Variants in DGKG observed in about 807,000 individuals in gnomAD.
The protein encoded by DGKG is diacylglycerol kinase gamma.
In DGKG, 78 loss-of-function variants were observed where a neutral mutation model predicts 105.3. The observed-to-expected ratio is 0.74, with a 90% confidence interval of 0.62 to 0.89. DGKG has a LOEUF of 0.89. Among genes scored for constraint, DGKG ranks in the 40% least tolerant of loss-of-function variants. DGKG has a pLI of 0.00. For missense variants in DGKG, 958 were observed against 1,020.1 expected (o/e 0.94, Z 0.83); for synonymous variants, 346 against 367.1 (o/e 0.94, Z 0.66).
intron 5 of DGKG, among the ~76,000 whole-genome samples, chr3:186,293,775 A>C (rs537263883): frequency 6.6e-6 from 1 of 152,190 alleles, no homozygotes; most frequent in Admixed American, 6.5e-5. Flanking sequence ...TGGTCTTTTC[A>C]GCAGATGGCC....
At chr3:186,177,820 A>G (rs1717157413) in intron 22 of DGKG, among the ~76,000 whole-genome samples, 1 of 152,222 alleles carries the variant, frequency 6.6e-6, no homozygotes, top group Admixed American at 6.5e-5. Context: ...ATAAGTAGGT[A>G]TTCAATAAAT....
chr3:186,263,159 CAAAA>C (rs935493590), intron 14 of DGKG, among the ~76,000 whole-genome samples: 6 of 148,086 alleles, frequency 4.1e-5, no homozygotes, highest in South Asian at 2.1e-4. Context: ...AACAAACAAA[CAAAA>C]AACACCACCA....
At chr3:186,288,599 A>G in intron 6 of DGKG, 111 bp downstream of exon 6, 1 of 1,145,760 alleles carries the variant, frequency 8.7e-7, no homozygotes, top group South Asian at 1.5e-5. Context: ...AAGAGGCGGG[A>G]CGCATATCCG....
chr3:186,223,455 C>A (rs1485870618), intron 20 of DGKG, among the ~76,000 whole-genome samples: 1 of 152,070 alleles, frequency 6.6e-6, no homozygotes, highest in African/African-American at 2.4e-5. Context: ...GGCATCTTGT[C>A]TAGAATTAAG....
chr3:186,194,085 G>A (rs1161929542), intron 21 of DGKG, among the ~76,000 whole-genome samples: 1 of 152,238 alleles, frequency 6.6e-6, no homozygotes, highest in East Asian at 1.9e-4. Context: ...GAGGCCAGAG[G>A]CTGCCGGCCA....
At chr3:186,254,792 G>C (rs930242421) in intron 17 of DGKG, among the ~76,000 whole-genome samples, 9 of 152,118 alleles carry the variant, frequency 5.9e-5, no homozygotes, top group Non-Finnish European at 1.2e-4. Context: ...TCACCAAGAA[G>C]GGAAGTCCAT....
At chr3:186,336,991 A>G (rs1053787781) in intron 1 of DGKG, among the ~76,000 whole-genome samples, 3 of 152,200 alleles carry the variant, frequency 2.0e-5, no homozygotes, top group Non-Finnish European at 4.4e-5. Context: ...CTGAACCAAT[A>G]TTAAAAGGTC....
At chr3:186,222,481 G>A (rs1276253821) in intron 20 of DGKG, among the ~76,000 whole-genome samples, 1 of 152,218 alleles carries the variant, frequency 6.6e-6, no homozygotes, top group Non-Finnish European at 1.5e-5. Flanking sequence ...CTGTCTCTTA[G>A]TTTCTCTATT....
In DGKG at chr3:186,268,797, C is replaced by G; in HGVS notation, c.1116+4G>C. The G allele has an allele frequency of 6.2e-7, 1 of 1,607,008 alleles. No homozygotes were observed. The highest frequency in any genetic ancestry group is 8.5e-7 in the Non-Finnish European group (1 of 1,174,460). On this transcript the variant is annotated splice_donor_region_variant and intron_variant, in intron 12 of 24. Coordinates refer to ENST00000265022, the MANE Select transcript of DGKG (RefSeq NM_001346.3). Reference sequence around the variant, plus strand: ...AAGCAGGGCCGCCCTGGGCGCCAACCCACCGTCATCCGGCACCACACGCAG... The same window carrying G: ...AAGCAGGGCCGCCCTGGGCGCCAACGCACCGTCATCCGGCACCACACGCAG...
chr3:186,262,054 G>A (rs1184910542), intron 14 of DGKG: 3 of 343,224 alleles, frequency 8.7e-6, no homozygotes, highest in South Asian at 5.8e-5. Flanking sequence ...CGATGACGTG[G>A]TCTTGTACCT....
At chr3:186,166,877 G>T (rs1048063688) in intron 22 of DGKG, among the ~76,000 whole-genome samples, 1 of 152,146 alleles carries the variant, frequency 6.6e-6, no homozygotes, top group African/African-American at 2.4e-5. Context: ...ATGGTGCTGT[G>T]ATAGTCCAAT....
At chr3:186,173,819 G>C (rs1007230331) in intron 22 of DGKG, among the ~76,000 whole-genome samples, 1 of 152,264 alleles carries the variant, frequency 6.6e-6, no homozygotes, top group South Asian at 2.1e-4. Context: ...GGGGACTGGG[G>C]TTCCCCAGGA....
intron 21 of DGKG, among the ~76,000 whole-genome samples, chr3:186,208,441 AG>A (rs1312661422): frequency 7.6e-4 from 1 of 1,320 alleles, no homozygotes; most frequent in East Asian, 0.031. Context: ...AAAAAAAAGA[AG>A]AAAAAAAAAA....
intron 6 of DGKG, among the ~76,000 whole-genome samples, chr3:186,285,536 G>C (rs758354964): frequency 1.2e-4 from 18 of 152,170 alleles, no homozygotes; most frequent in Admixed American, 3.3e-4. Context: ...TCTGGACAAG[G>C]GACTACATGT....
chr3:186,289,675 A>G (rs1210600025), intron 5 of DGKG, among the ~76,000 whole-genome samples: 1 of 152,166 alleles, frequency 6.6e-6, no homozygotes, highest in Non-Finnish European at 1.5e-5. Context: ...CTTAATATCT[A>G]CTAGGAGTGT....
intron 2 of DGKG, among the ~76,000 whole-genome samples, chr3:186,312,600 C>T (rs1413118277): frequency 6.6e-6 from 1 of 152,102 alleles, no homozygotes; most frequent in Non-Finnish European, 1.5e-5. Context: ...CAGGGGGAGT[C>T]ACTGAGACGA....
intron 22 of DGKG, among the ~76,000 whole-genome samples, chr3:186,167,491 C>G (rs1716604126): frequency 6.6e-6 from 1 of 152,078 alleles, no homozygotes; most frequent in East Asian, 1.9e-4. Flanking sequence ...TCACTTAATC[C>G]CCTTTACTTC....
intron 21 of DGKG, among the ~76,000 whole-genome samples, chr3:186,201,792 T>C (rs993065614): frequency 2.0e-5 from 3 of 152,298 alleles, no homozygotes; most frequent in African/African-American, 7.2e-5. Context: ...AACAAACAAC[T>C]ATTGAGGAAT....
At chr3:186,215,522 G>T (rs181274467) in intron 20 of DGKG, among the ~76,000 whole-genome samples, 1 of 151,906 alleles carries the variant, frequency 6.6e-6, no homozygotes, top group Admixed American at 6.6e-5. Flanking sequence ...GTTTTTTAAA[G>T]ATCATTCTGT....
Sources: gnomAD v4.1 joint callset for allele counts (sites outside exome capture counted in the v4.1 genomes callset) on GRCh38, gnomAD v4.1.1 for gene constraint, MANE v1.5 for transcripts, NCBI Gene and HGNC (gene_info 2026-07-23, HGNC 2026-07-21) for gene names.